The following TNFRSF11A variants were observed in gnomAD, a reference collection of about 807,000 sequenced individuals.
TNFRSF11A encodes tumor necrosis factor receptor superfamily member 11A.
A neutral mutation model predicts 55.7 loss-of-function variants in TNFRSF11A; 32 were observed. The ratio of observed to expected loss-of-function variants is 0.57; its 90% confidence interval spans 0.43 to 0.77. The LOEUF (loss-of-function observed/expected upper bound fraction) is 0.77. TNFRSF11A is among the 30% of genes least tolerant of loss of function. The probability of loss-of-function intolerance (pLI) is 0.00; values close to 1 mark genes in which losing one functional copy is unlikely to be tolerated. For synonymous variants in TNFRSF11A, 311 were observed against 331.0 expected (o/e 0.94, Z 0.65); for missense variants, 753 against 809.8 (o/e 0.93, Z 0.85).
intron 3 of TNFRSF11A, among the ~76,000 whole-genome samples, chr18:62,352,688 T>C (rs1410424857): frequency 6.6e-6 from 1 of 152,264 alleles, no homozygotes; most frequent in East Asian, 1.9e-4. Flanking sequence ...AAGTGGCATG[T>C]GTCTGTGGAC....
At chr18:62,356,415 A>G (rs1200625084) in intron 4 of TNFRSF11A, among the ~76,000 whole-genome samples, 1 of 152,230 alleles carries the variant, frequency 6.6e-6, no homozygotes. Context: ...CTGAATTCTG[A>G]TTCTAAAATA....
chr18:62,367,388 T>C (rs1320571893), intron 8 of TNFRSF11A: 1 of 155,330 alleles, frequency 6.4e-6, no homozygotes, highest in Non-Finnish European at 1.4e-5. Context: ...ACTCTGTAGT[T>C]ATTCTGGTAA....
intron 1 of TNFRSF11A, among the ~76,000 whole-genome samples, chr18:62,326,829 G>A (rs1388031061): frequency 2.0e-5 from 3 of 152,090 alleles, no homozygotes; most frequent in African/African-American, 4.8e-5. Flanking sequence ...CAATTCTAGG[G>A]GAGCGAACCT....
intron 1 of TNFRSF11A, chr18:62,336,813 T>TG (rs1311257158): frequency 1.3e-5 from 2 of 152,216 alleles, no homozygotes; most frequent in African/African-American, 4.8e-5. Flanking sequence ...CAAAGACACT[T>TG]GCAATTAAAG....
At chr18:62,382,107 C>CTTTTTTT (rs574488222) in intron 9 of TNFRSF11A, among the ~76,000 whole-genome samples, 20 of 89,466 alleles carry the variant, frequency 2.2e-4, no homozygotes, top group South Asian at 5.9e-4. Flanking sequence ...TTCCTGAGTC[C>CTTTTTTT]TTTTTTTTTT....
At chr18:62,345,455 C>T (rs2046369242) in intron 1 of TNFRSF11A, among the ~76,000 whole-genome samples, 1 of 151,956 alleles carries the variant, frequency 6.6e-6, no homozygotes, top group Non-Finnish European at 1.5e-5. Context: ...AACTAGAGAA[C>T]AAAGTAGGTT....
chr18:62,331,951 G>C (rs924178653), intron 1 of TNFRSF11A, among the ~76,000 whole-genome samples: 2 of 152,216 alleles, frequency 1.3e-5, no homozygotes, highest in Admixed American at 1.3e-4. Context: ...CAAGTATCAG[G>C]AAGACCTGAC....
At chr18:62,356,272 C>T (rs1429924094) in intron 4 of TNFRSF11A, among the ~76,000 whole-genome samples, 2 of 152,228 alleles carry the variant, frequency 1.3e-5, no homozygotes, top group African/African-American at 2.4e-5. Context: ...AAATGTCCAT[C>T]ACAGAGTCTA....
intron 4 of TNFRSF11A, among the ~76,000 whole-genome samples, chr18:62,354,736 C>G (rs1179616682): frequency 6.6e-6 from 1 of 152,172 alleles, no homozygotes; most frequent in African/African-American, 2.4e-5. Context: ...GGCTTAGGTT[C>G]TTCAAAGGGA....
At chr18:62,377,590 A>G (rs1435117444) in intron 9 of TNFRSF11A, among the ~76,000 whole-genome samples, 2 of 152,176 alleles carry the variant, frequency 1.3e-5, no homozygotes, top group African/African-American at 4.8e-5. Context: ...CCATTCTAAT[A>G]GGTGTGTAGT....
chr18:62,346,662 G>A (rs1730514024), intron 1 of TNFRSF11A, among the ~76,000 whole-genome samples: 1 of 152,174 alleles, frequency 6.6e-6, no homozygotes, highest in African/African-American at 2.4e-5. Flanking sequence ...CCCCTTTGCT[G>A]GCCAGGGTGA....
chr18:62,344,959 G>A (rs1174229269), intron 1 of TNFRSF11A, among the ~76,000 whole-genome samples: 2 of 152,268 alleles, frequency 1.3e-5, no homozygotes, highest in African/African-American at 4.8e-5. Context: ...ACTCAAGACA[G>A]AGTCTGGGGA....
At chr18:62,339,427 C>T (rs935538256) in intron 1 of TNFRSF11A, among the ~76,000 whole-genome samples, 1 of 152,214 alleles carries the variant, frequency 6.6e-6, no homozygotes, top group African/African-American at 2.4e-5. Flanking sequence ...AAGACGTGGA[C>T]ACCAGTCTGA....
intron 1 of TNFRSF11A, among the ~76,000 whole-genome samples, chr18:62,340,276 T>G (rs558862777): frequency 6.6e-6 from 1 of 152,092 alleles, no homozygotes; most frequent in East Asian, 2.0e-4. Context: ...TGGAGTGCAG[T>G]GGTGCAATCA....
At chr18:62,376,243 G>C (rs1910887146) in intron 9 of TNFRSF11A, among the ~76,000 whole-genome samples, 1 of 152,116 alleles carries the variant, frequency 6.6e-6, no homozygotes, top group East Asian at 1.9e-4. Flanking sequence ...TCTCTTGTGG[G>C]GAGAGCCTTT....
intron 1 of TNFRSF11A, among the ~76,000 whole-genome samples, chr18:62,333,533 G>A (rs34432351): frequency 0.25 from 37,582 of 152,018 alleles, 5,353 homozygotes; most frequent in East Asian, 0.41. Flanking sequence ...TACTTTACAC[G>A]GATTATATCT....
rs552816037 is a variant in TNFRSF11A at position 62,388,192 on chromosome 18, T to A, written c.*3158T>A. The A allele has an allele frequency of 6.6e-6, 1 of 152,384 alleles. No homozygotes were observed. The highest frequency in any genetic ancestry group is 2.1e-4 in the South Asian group (1 of 4,830). 9.4% of individuals were successfully genotyped at this position (152,384 alleles called of 1,614,324 possible). A position where few individuals can be genotyped will look rare whatever the true frequency, so the allele number is the denominator to read the frequency against. On this transcript the variant is annotated 3_prime_UTR_variant, in exon 10 of 10. Transcript: ENST00000586569. The stretch of plus-strand genomic sequence containing the variant: ...CCTGGTCCCTCCTGGCCTGGTTTGC[T>A]TACCCATTTACAATGACCCGGCTAG...
chr18:62,346,519 T>A (rs1427115874), intron 1 of TNFRSF11A, among the ~76,000 whole-genome samples: 1 of 152,162 alleles, frequency 6.6e-6, no homozygotes, highest in Non-Finnish European at 1.5e-5. Context: ...ATGGGGAGCA[T>A]CTGATGTGTG....
chr18:62,362,577 C>T (rs562522667), intron 7 of TNFRSF11A, among the ~76,000 whole-genome samples: 6 of 150,080 alleles, frequency 4.0e-5, no homozygotes, highest in South Asian at 2.1e-4. Flanking sequence ...TTAGAATAGA[C>T]GGTCAAGTCT....
Sources: gnomAD v4.1 joint callset for allele counts (sites outside exome capture counted in the v4.1 genomes callset) on GRCh38, gnomAD v4.1.1 for gene constraint, MANE v1.5 for transcripts, NCBI Gene and HGNC (gene_info 2026-07-23, HGNC 2026-07-21) for gene names.